Variants in POLR2B observed in about 807,000 individuals in gnomAD.
The protein encoded by POLR2B is RNA polymerase II subunit B.
In POLR2B, 57 loss-of-function variants were observed where a neutral mutation model predicts 144.6. That is an observed-to-expected ratio of 0.39 (90% confidence interval 0.32 to 0.49). The LOEUF is 0.49. Ranked by LOEUF, POLR2B falls within the 20% of genes least tolerant of loss-of-function variation. The probability of loss-of-function intolerance (pLI) is 0.83; values close to 1 mark genes in which losing one functional copy is unlikely to be tolerated. For synonymous variants in POLR2B, 442 were observed against 469.8 expected (o/e 0.94, Z 0.77); for missense variants, 595 against 1,467.4 (o/e 0.41, Z 9.71).
chr4:57,029,763 GA>G (rs1301257817), intron 23 of POLR2B, among the ~76,000 whole-genome samples: 6 of 152,126 alleles, frequency 3.9e-5, no homozygotes, highest in African/African-American at 1.4e-4. Flanking sequence ...TTGAATTCTA[GA>G]AAGTTAAATG....
At chr4:56,996,580 G>A (rs13145285) in intron 6 of POLR2B, among the ~76,000 whole-genome samples, 9,475 of 151,810 alleles carry the variant, frequency 0.062, 349 homozygotes, top group Middle Eastern at 0.088. Flanking sequence ...CACTGTGCCC[G>A]GCCTTCAATT....
chr4:57,016,275 A>G (rs1723363303), intron 14 of POLR2B, among the ~76,000 whole-genome samples: 1 of 151,700 alleles, frequency 6.6e-6, no homozygotes, highest in South Asian at 2.1e-4. Context: ...GCCCAGGTGT[A>G]GTGGCTCATG....
intron 7 of POLR2B, among the ~76,000 whole-genome samples, chr4:57,004,428 CACTT>C (rs751883231): frequency 1.5e-4 from 22 of 150,940 alleles, no homozygotes; most frequent in Non-Finnish European, 2.5e-4. Context: ...TTTAGGTTCT[CACTT>C]TCTTTCCCTG....
At chr4:57,004,352 CTTTT>C (rs34205751) in intron 7 of POLR2B, among the ~76,000 whole-genome samples, 110 of 140,570 alleles carry the variant, frequency 7.8e-4, no homozygotes, top group Non-Finnish European at 9.2e-4. Context: ...CCCAGCAAAT[CTTTT>C]TTTTTTTTTT....
intron 1 of POLR2B, chr4:56,985,521 C>T: frequency 1.1e-6 from 1 of 933,082 alleles, no homozygotes; most frequent in Non-Finnish European, 1.3e-6. Flanking sequence ...TTGCCTCAGC[C>T]TCCTGAGTAG....
intron 23 of POLR2B, among the ~76,000 whole-genome samples, chr4:57,028,979 T>G (rs1470766165): frequency 2.0e-5 from 3 of 152,256 alleles, no homozygotes; most frequent in African/African-American, 7.2e-5. Flanking sequence ...TTTTTCCCCT[T>G]GTAATTTGTT....
intron 1 of POLR2B, among the ~76,000 whole-genome samples, chr4:56,983,885 T>A (rs562504112): frequency 6.8e-6 from 1 of 147,960 alleles, no homozygotes; most frequent in Non-Finnish European, 1.5e-5. Flanking sequence ...TTTTTTTTTT[T>A]AGACAGGGTC....
chr4:57,030,146 C>G (rs987403447), intron 23 of POLR2B, 58 bp from the exon 24 acceptor site: 14 of 1,346,762 alleles, frequency 1.0e-5, no homozygotes, highest in Non-Finnish European at 1.5e-5. Flanking sequence ...TGCCATTATT[C>G]AAGGCGGTGT....
chr4:56,985,991 A>G (rs957274192), intron 1 of POLR2B, among the ~76,000 whole-genome samples: 18 of 152,350 alleles, frequency 1.2e-4, no homozygotes, highest in Admixed American at 3.9e-4. Context: ...AAATGTTGCT[A>G]TAATAGATTG....
At chr4:57,013,983 A>T (rs368105179) in intron 13 of POLR2B, among the ~76,000 whole-genome samples, 2 of 151,440 alleles carry the variant, frequency 1.3e-5, no homozygotes, top group East Asian at 1.9e-4. Context: ...AGACCCATAG[A>T]GCTGTATTCT....
intron 10 of POLR2B, 84 bp downstream of exon 10, chr4:57,007,086 T>C: frequency 9.5e-7 from 1 of 1,047,154 alleles, no homozygotes; most frequent in Non-Finnish European, 1.4e-6. Context: ...GAATATAAAT[T>C]ATTTTGCTTT....
Position 56,995,388 on chromosome 4 carries a change from C to T in POLR2B, c.714C>T (p.Ser238=). 1 of 1,610,142 alleles carries T rather than the reference C, an allele frequency of 6.2e-7. No homozygotes were observed. Among genetic ancestry groups the T allele is most frequent in the South Asian group, 1.1e-5 (1 of 90,742 alleles). ...SSRPTSTIWV[S]MLARGGQGAK... ...GACCCACCAGTACTATATGGGTTAGCATGCTGGCAAGAGGAGGACAGGTAT... is the reference window on the plus strand; with the variant it reads ...GACCCACCAGTACTATATGGGTTAGTATGCTGGCAAGAGGAGGACAGGTAT... The change falls in exon 6 of 25, where the codon AGC becomes AGT. Residue 238 remains serine (S), a synonymous_variant. Coordinates refer to ENST00000314595, the MANE Select transcript of POLR2B (RefSeq NM_000938.3).
chr4:57,031,115 ATGCT>A lies in POLR2B; in HGVS notation c.*129_*132del, dbSNP rs1330807366. 4 of 723,636 alleles carry A rather than the reference ATGCT, an allele frequency of 5.5e-6. No individual in the cohort carries two copies. In the African/African-American group the frequency reaches 7.2e-5, roughly 13 times the overall value. 44.8% of individuals were successfully genotyped at this position (723,636 alleles called of 1,614,324 possible). ...GTATTTTATTTGTTTAATGATATGC[ATGCT>A]TTTCTTCTGTAAATATATAATAAAT... On this transcript the variant is annotated 3_prime_UTR_variant, in exon 25 of 25. Transcript: ENST00000314595.
chr4:56,997,281 CAG>C (rs1250461110), intron 6 of POLR2B, among the ~76,000 whole-genome samples: 8 of 147,122 alleles, frequency 5.4e-5, no homozygotes, highest in African/African-American at 1.3e-4. Context: ...TTTTCTGAGA[CAG>C]GGTCTCATTC....
chr4:56,991,195 C>T (rs1722499412), intron 3 of POLR2B, among the ~76,000 whole-genome samples: 2 of 151,982 alleles, frequency 1.3e-5, no homozygotes, highest in African/African-American at 4.8e-5. Flanking sequence ...ATAGATAACC[C>T]CGCTTTTTTC....
Position 57,005,582 on chromosome 4 carries a change from C to CATT in POLR2B, c.1098-18_1098-17insATT. 7.5e-7 allele frequency: 1 copy of CATT among 1,335,096 alleles called. No individual in the cohort carries two copies. The highest frequency in any genetic ancestry group is 1.0e-6 in the Non-Finnish European group (1 of 985,092). The allele number at this position is 1,335,096 out of a possible 1,614,324, so 82.7% of individuals were successfully genotyped here. ...AAGTGTTTTCCCTCTTTCTTTCTTTCTTTTTTTTTTTTTAAAGATACATGG... is the reference window on the plus strand; with the variant it reads ...AAGTGTTTTCCCTCTTTCTTTCTTTCATTTTTTTTTTTTTTTAAAGATACATGG... On this transcript the variant is annotated splice_polypyrimidine_tract_variant and intron_variant, in intron 8 of 24. Coordinates refer to ENST00000314595, the MANE Select transcript of POLR2B (RefSeq NM_000938.3).
chr4:56,981,384 T>C (rs1722154245), intron 1 of POLR2B, among the ~76,000 whole-genome samples: 1 of 152,214 alleles, frequency 6.6e-6, no homozygotes, highest in Non-Finnish European at 1.5e-5. Context: ...AATAATCTTG[T>C]ACGTATAATT....
intron 13 of POLR2B, among the ~76,000 whole-genome samples, chr4:57,012,528 A>G (rs539635695): frequency 1.3e-5 from 2 of 152,312 alleles, no homozygotes; most frequent in African/African-American, 2.4e-5. Context: ...TCCCAAATCT[A>G]TACCTTGGGT....
chr4:57,026,130 C>A (rs569465764), intron 23 of POLR2B, among the ~76,000 whole-genome samples: 8 of 152,056 alleles, frequency 5.3e-5, no homozygotes, highest in African/African-American at 1.2e-4. Context: ...CCCAGCTACT[C>A]GGGAGGCTGA....
Sources: gnomAD v4.1 joint callset for allele counts (sites outside exome capture counted in the v4.1 genomes callset) on GRCh38, gnomAD v4.1.1 for gene constraint, MANE v1.5 for transcripts, NCBI Gene and HGNC (gene_info 2026-07-23, HGNC 2026-07-21) for gene names.